CDYL: variants seen among roughly 807,000 people sequenced by gnomAD.
CDYL encodes chromodomain Y like.
In CDYL, 8 loss-of-function variants were observed where a neutral mutation model predicts 47.3. That is an observed-to-expected ratio of 0.17 (90% confidence interval 0.10 to 0.31). The LOEUF (loss-of-function observed/expected upper bound fraction) is 0.31, where lower values mean the gene tolerates loss of function less well. Among genes scored for constraint, CDYL ranks in the 10% least tolerant of loss-of-function variants. CDYL has a pLI of 1.00. For synonymous variants in CDYL, 266 were observed against 265.0 expected (o/e 1.00, Z -0.04); for missense variants, 471 against 701.4 (o/e 0.67, Z 3.71).
intron 2 of CDYL, among the ~76,000 whole-genome samples, chr6:4,726,132 GC>G (rs1370161485): frequency 6.6e-6 from 1 of 152,114 alleles, no homozygotes; most frequent in African/African-American, 2.4e-5. Flanking sequence ...TAATAAATGG[GC>G]CCGGCACGGT....
intron 2 of CDYL, among the ~76,000 whole-genome samples, chr6:4,929,798 G>A (rs997016147): frequency 4.6e-5 from 7 of 151,810 alleles, no homozygotes; most frequent in East Asian, 1.9e-4. Flanking sequence ...TTCTTTTCTC[G>A]TAATACCATC....
intron 2 of CDYL, among the ~76,000 whole-genome samples, chr6:4,930,538 G>A (rs2039907): frequency 0.68 from 103,750 of 152,070 alleles, 36,073 homozygotes; most frequent in Middle Eastern, 0.88. Flanking sequence ...ACATTGCCCT[G>A]CACAGCCTGT....
At chr6:4,824,512 T>A (rs1759925498) in intron 1 of CDYL, among the ~76,000 whole-genome samples, 1 of 152,236 alleles carries the variant, frequency 6.6e-6, no homozygotes, top group African/African-American at 2.4e-5. Flanking sequence ...TATTAGCTAT[T>A]TGTATGTCTT....
At chr6:4,891,691 A>G (rs753722279) in intron 1 of CDYL, 22 bp from the exon 2 acceptor site, 4 of 1,556,390 alleles carry the variant, frequency 2.6e-6, no homozygotes, top group African/African-American at 2.8e-5. Context: ...TTTTAAAACT[A>G]TTTTTTTCCT....
intron 1 of CDYL, among the ~76,000 whole-genome samples, chr6:4,822,314 C>T (rs1233944021): frequency 6.6e-6 from 1 of 152,026 alleles, no homozygotes; most frequent in East Asian, 1.9e-4. Context: ...AGCTTCTTAA[C>T]AGCCTTTTCT....
intron 1 of CDYL, among the ~76,000 whole-genome samples, chr6:4,869,099 A>ATT (rs369510791): frequency 1.4e-5 from 2 of 138,766 alleles, no homozygotes; most frequent in East Asian, 2.1e-4. Context: ...TTTCTTTCTT[A>ATT]TTTTTTTTTT....
chr6:4,733,852 T>TTC (rs1491170958), intron 2 of CDYL, among the ~76,000 whole-genome samples: 1 of 22 alleles, frequency 0.045, no homozygotes, highest in East Asian at 0.25. Flanking sequence ...TTTCTTCTTC[T>TTC]TTTTTTTTTT....
intron 2 of CDYL, among the ~76,000 whole-genome samples, chr6:4,933,513 G>A (rs2127518285): frequency 6.6e-6 from 1 of 152,362 alleles, no homozygotes; most frequent in Admixed American, 6.5e-5. Context: ...GACAGAGGGA[G>A]AGGTGAAGAC....
chr6:4,757,330 G>C (rs1277841441), intron 3 of CDYL, among the ~76,000 whole-genome samples: 1 of 152,136 alleles, frequency 6.6e-6, no homozygotes, highest in Non-Finnish European at 1.5e-5. Flanking sequence ...ACATTTCTTT[G>C]CTTTATAAAA....
At chr6:4,896,115 A>G (rs1762276855) in intron 2 of CDYL, among the ~76,000 whole-genome samples, 1 of 152,214 alleles carries the variant, frequency 6.6e-6, no homozygotes, top group South Asian at 2.1e-4. Context: ...AGTTAGAGGA[A>G]AATAGAAGCT....
At chr6:4,887,181 G>A (rs1761921135) in intron 1 of CDYL, among the ~76,000 whole-genome samples, 1 of 152,044 alleles carries the variant, frequency 6.6e-6, no homozygotes, top group South Asian at 2.1e-4. Context: ...GTTCTCAATT[G>A]TTCTTACCAA....
intron 1 of CDYL, among the ~76,000 whole-genome samples, chr6:4,835,884 G>C (rs568747085): frequency 6.6e-6 from 1 of 152,202 alleles, no homozygotes; most frequent in Non-Finnish European, 1.5e-5. Context: ...CTCCGAGCCA[G>C]GTGCGGGATA....
At chr6:4,796,152 C>A (rs921108332) in intron 1 of CDYL, among the ~76,000 whole-genome samples, 1 of 152,062 alleles carries the variant, frequency 6.6e-6, no homozygotes, top group Non-Finnish European at 1.5e-5. Flanking sequence ...AGGCTGGTCT[C>A]GAACTCGTGA....
At chr6:4,719,590 T>A (rs1202552883) in intron 2 of CDYL, among the ~76,000 whole-genome samples, 2 of 152,206 alleles carry the variant, frequency 1.3e-5, no homozygotes, top group Non-Finnish European at 2.9e-5. Context: ...TCATGAAGAT[T>A]AAAATGACTT....
chr6:4,865,795 A>C (rs140454929), intron 1 of CDYL, among the ~76,000 whole-genome samples: 1 of 152,238 alleles, frequency 6.6e-6, no homozygotes, highest in Non-Finnish European at 1.5e-5. Context: ...GCATAGTTTC[A>C]AAATAGTTAA....
chr6:4,812,317 C>T (rs555136552), intron 1 of CDYL, among the ~76,000 whole-genome samples: 15 of 152,286 alleles, frequency 9.8e-5, no homozygotes, highest in Admixed American at 2.0e-4. Context: ...TGATTAGTCA[C>T]TTCCCCATTG....
intron 4 of CDYL, among the ~76,000 whole-genome samples, chr6:4,942,515 G>A (rs1220831416): frequency 1.3e-5 from 2 of 152,204 alleles, no homozygotes; most frequent in African/African-American, 4.8e-5. Context: ...TCCAGCAAGT[G>A]AAAAGCTGTC....
At chr6:4,815,609 C>T (rs1337675253) in intron 1 of CDYL, among the ~76,000 whole-genome samples, 1 of 145,752 alleles carries the variant, frequency 6.9e-6, no homozygotes, top group Non-Finnish European at 1.5e-5. Flanking sequence ...TATTATCAGT[C>T]TTTAATTTTT....
intron 1 of CDYL, among the ~76,000 whole-genome samples, chr6:4,871,718 CTAAA>C (rs946755296): frequency 6.6e-5 from 10 of 152,164 alleles, no homozygotes; most frequent in Non-Finnish European, 1.0e-4. Context: ...CCTCTCCACC[CTAAA>C]TAGTCTCCCC....
Sources: gnomAD v4.1 joint callset for allele counts (sites outside exome capture counted in the v4.1 genomes callset) on GRCh38, gnomAD v4.1.1 for gene constraint, MANE v1.5 for transcripts, NCBI Gene and HGNC (gene_info 2026-07-23, HGNC 2026-07-21) for gene names.